The following ROBO2 variants were observed in gnomAD, a reference collection of about 807,000 sequenced individuals.
ROBO2 encodes roundabout guidance receptor 2.
ROBO2 carries 53 observed loss-of-function variants against 160.8 expected under a neutral mutation model. That is an observed-to-expected ratio of 0.33 (90% CI 0.26 to 0.41). The LOEUF is 0.41. ROBO2 is among the 10% of genes least tolerant of loss of function. ROBO2 has a pLI of 1.00. For synonymous variants in ROBO2, 664 were observed against 611.7 expected, an observed-to-expected ratio of 1.09 and a Z score of -1.26; for missense variants, 1,577 against 1,722.4, an observed-to-expected ratio of 0.92 and a Z score of 1.49.
intron 2 of ROBO2, among the ~76,000 whole-genome samples, chr3:76,898,933 C>T (rs764898972): frequency 6.6e-6 from 1 of 152,122 alleles, no homozygotes; most frequent in Non-Finnish European, 1.5e-5. Context: ...AGATCAGGAA[C>T]GTGGACATTC....
At chr3:76,064,331 A>G (rs1387554662) in intron 2 of ROBO2, among the ~76,000 whole-genome samples, 2 of 152,144 alleles carry the variant, frequency 1.3e-5, no homozygotes, top group African/African-American at 2.4e-5. Context: ...GGGGCTAAGT[A>G]TTTTGCTGAG....
At chr3:75,972,201 AAG>A (rs939918435) in intron 2 of ROBO2, among the ~76,000 whole-genome samples, 3 of 151,734 alleles carry the variant, frequency 2.0e-5, no homozygotes, top group African/African-American at 7.2e-5. Context: ...TTATTAAGAC[AAG>A]CACTTTTAAG....
chr3:76,156,013 A>G (rs1321682946), intron 2 of ROBO2, among the ~76,000 whole-genome samples: 1 of 152,132 alleles, frequency 6.6e-6, no homozygotes. Flanking sequence ...AGGCTAAATG[A>G]TACCATTTTG....
chr3:76,875,721 CT>C (rs1406532016), intron 2 of ROBO2, among the ~76,000 whole-genome samples: 3 of 152,108 alleles, frequency 2.0e-5, no homozygotes, highest in African/African-American at 7.2e-5. Flanking sequence ...GTGGTGCCAT[CT>C]CAGCTCACTG....
intron 2 of ROBO2, among the ~76,000 whole-genome samples, chr3:76,118,499 G>A (rs752779305): frequency 6.6e-6 from 1 of 152,142 alleles, no homozygotes; most frequent in Non-Finnish European, 1.5e-5. Flanking sequence ...AACATATGAT[G>A]GAGATGAGAT....
At chr3:76,454,414 A>G (rs1559974113) in intron 2 of ROBO2, among the ~76,000 whole-genome samples, 2 of 152,160 alleles carry the variant, frequency 1.3e-5, no homozygotes, top group Non-Finnish European at 2.9e-5. Context: ...GGTGTATGTG[A>G]TGAAAACATG....
At chr3:77,536,950 T>C (rs1400415108) in intron 6 of ROBO2, among the ~76,000 whole-genome samples, 1 of 152,204 alleles carries the variant, frequency 6.6e-6, no homozygotes, top group Non-Finnish European at 1.5e-5. Flanking sequence ...GTTAACTCTT[T>C]TCAGAAGCAT....
intron 2 of ROBO2, among the ~76,000 whole-genome samples, chr3:76,767,502 T>A (rs536688108): frequency 6.6e-5 from 10 of 151,704 alleles, no homozygotes; most frequent in African/African-American, 2.4e-4. Context: ...TAGAACATTG[T>A]GTTTAAGGAA....
Position 77,136,167 on chromosome 3 carries a change from G to A in ROBO2, c.388+37827G>A, listed in dbSNP as rs572190352. Among the ~76,000 whole-genome samples the A allele has an allele frequency of 3.9e-5, 6 of 152,200 alleles. No homozygotes were observed. The East Asian group carries it at 7.7e-4, about 20-fold the overall frequency. ...ACATAATGTGGTATTACAGAATGAC[G>A]AATTATAGAAAGATCTGGAATATTA... On this transcript the variant is annotated intron_variant, in intron 2 of 25. Transcript: ENST00000461745.
chr3:76,464,515 CAATA>C (rs2078260741), intron 2 of ROBO2, among the ~76,000 whole-genome samples: 1 of 151,824 alleles, frequency 6.6e-6, no homozygotes, highest in Non-Finnish European at 1.5e-5. Flanking sequence ...AATATATACT[CAATA>C]AAACCCCAGA....
chr3:76,103,199 G>A (rs896960435), intron 2 of ROBO2, among the ~76,000 whole-genome samples: 1 of 152,174 alleles, frequency 6.6e-6, no homozygotes, highest in Non-Finnish European at 1.5e-5. Flanking sequence ...GAAAGTCGAG[G>A]TAATGAATGA....
intron 2 of ROBO2, among the ~76,000 whole-genome samples, chr3:75,990,908 A>C (rs2065547885): frequency 6.6e-6 from 1 of 152,162 alleles, no homozygotes; most frequent in African/African-American, 2.4e-5. Flanking sequence ...TGCCCTCATA[A>C]ATGTGAATGG....
At chr3:76,835,817 G>GGATAA (rs2067642658) in intron 2 of ROBO2, among the ~76,000 whole-genome samples, 1 of 151,818 alleles carries the variant, frequency 6.6e-6, no homozygotes, top group African/African-American at 2.4e-5. Flanking sequence ...AATAAATTAC[G>GGATAA]TTTCACCTGG....
chr3:76,745,335 G>T (rs1269064127), intron 2 of ROBO2, among the ~76,000 whole-genome samples: 1 of 152,010 alleles, frequency 6.6e-6, no homozygotes, highest in Non-Finnish European at 1.5e-5. Flanking sequence ...CAGGTTCTTT[G>T]ATTGCAACAG....
At chr3:77,331,960 C>A (rs2153442896) in intron 2 of ROBO2, among the ~76,000 whole-genome samples, 1 of 152,306 alleles carries the variant, frequency 6.6e-6, no homozygotes, top group South Asian at 2.1e-4. Context: ...CCTGCCTCGG[C>A]CTCCCAAAGT....
intron 2 of ROBO2, among the ~76,000 whole-genome samples, chr3:76,920,310 C>T (rs568369594): frequency 3.3e-5 from 5 of 152,188 alleles, no homozygotes; most frequent in African/African-American, 9.6e-5. Context: ...ATAAAACAGT[C>T]TCTAAAGCAG....
chr3:76,898,990 T>A (rs2075024920), intron 2 of ROBO2, among the ~76,000 whole-genome samples: 1 of 152,120 alleles, frequency 6.6e-6, no homozygotes, highest in African/African-American at 2.4e-5. Flanking sequence ...AGAATGGGTC[T>A]CATAAACAGC....
chr3:77,017,614 T>C (rs1189640009), intron 2 of ROBO2, among the ~76,000 whole-genome samples: 1 of 152,170 alleles, frequency 6.6e-6, no homozygotes, highest in Non-Finnish European at 1.5e-5. Flanking sequence ...TAATTTCTTT[T>C]AAAAAGGGCA....
intron 2 of ROBO2, among the ~76,000 whole-genome samples, chr3:77,466,261 G>A (rs2082749954): frequency 6.6e-6 from 1 of 152,162 alleles, no homozygotes; most frequent in Non-Finnish European, 1.5e-5. Context: ...CAAAATTCAT[G>A]ATAGTGTAGT....
Sources: gnomAD v4.1 joint callset for allele counts (sites outside exome capture counted in the v4.1 genomes callset) on GRCh38, gnomAD v4.1.1 for gene constraint, MANE v1.5 for transcripts, NCBI Gene and HGNC (gene_info 2026-07-23, HGNC 2026-07-21) for gene names.